SLC2A9: variants seen among roughly 807,000 people sequenced by gnomAD.
The protein encoded by SLC2A9 is solute carrier family 2 member 9.
In SLC2A9, 39 loss-of-function variants were observed where a neutral mutation model predicts 50.6. The observed-to-expected ratio is 0.77, with a 90% CI of 0.60 to 1.01. The LOEUF is 1.01. Among genes scored for constraint, SLC2A9 ranks in the 50% least tolerant of loss-of-function variants. The pLI, the probability that SLC2A9 is intolerant of heterozygous loss-of-function variation, is 0.00. For synonymous variants in SLC2A9, 324 were observed against 276.9 expected (o/e 1.17, Z -1.69); for missense variants, 686 against 677.6 (o/e 1.01, Z -0.14).
intron 3 of SLC2A9, among the ~76,000 whole-genome samples, chr4:9,813,703 T>C (rs909509215): frequency 2.0e-5 from 3 of 152,056 alleles, no homozygotes; most frequent in Non-Finnish European, 2.9e-5. Flanking sequence ...TCAATAAAAG[T>C]GAACACAGGC....
downstream of SLC2A9, among the ~76,000 whole-genome samples, chr4:9,774,935 A>T (rs1717351478): frequency 6.6e-6 from 1 of 151,994 alleles, no homozygotes; most frequent in Admixed American, 6.6e-5. Context: ...CCACCCAGCC[A>T]AAAGAAACCC....
chr4:9,840,160 G>A (rs980490074), intron 10 of SLC2A9, among the ~76,000 whole-genome samples: 1 of 152,152 alleles, frequency 6.6e-6, no homozygotes, highest in Admixed American at 6.5e-5. Flanking sequence ...TAACTCCACA[G>A]CATGAGTTTT....
intron 10 of SLC2A9, among the ~76,000 whole-genome samples, chr4:9,847,193 A>G (rs1422883506): frequency 1.3e-5 from 2 of 152,232 alleles, no homozygotes; most frequent in East Asian, 3.8e-4. Context: ...TATGAAGAAA[A>G]GAGGCTTAAT....
At chr4:9,831,602 C>G (rs6449028) in intron 11 of SLC2A9, among the ~76,000 whole-genome samples, 143,283 of 152,270 alleles carry the variant, frequency 0.94, 67,698 homozygotes, top group Non-Finnish European at 0.96. Flanking sequence ...TCTTGCGCTG[C>G]CGCCCAGAGA....
In SLC2A9 at chr4:9,887,224, C is replaced by T. The variant is rs1342410112; in HGVS notation, c.1291+343G>A. The stretch of plus-strand genomic sequence containing the variant: ...TTATTGCCACATCTTTCACCATAGA[C>T]GGTAACTGCTTAGGCACAGACTGTG... On this transcript the variant is annotated intron_variant, in intron 10 of 11. Coordinates refer to ENST00000264784, the MANE Select transcript of SLC2A9 (RefSeq NM_020041.3). Among the ~76,000 whole-genome samples, 7 of 152,208 alleles carry T rather than the reference C, an allele frequency of 4.6e-5. No homozygotes were observed. The East Asian group carries it at 1.3e-3, about 29-fold the overall frequency.
chr4:9,891,162 C>A (rs913681346), intron 8 of SLC2A9, among the ~76,000 whole-genome samples: 3 of 152,172 alleles, frequency 2.0e-5, no homozygotes, highest in African/African-American at 7.2e-5. Flanking sequence ...ATGTCGTTTT[C>A]CAGTCTGCCT....
chr4:9,773,992 C>CTTT (rs34429694), intron 1 of SLC2A9, among the ~76,000 whole-genome samples: 27 of 139,780 alleles, frequency 1.9e-4, no homozygotes, highest in Admixed American at 1.2e-3. Context: ...GAAACTCAGT[C>CTTT]TTTTTTTTTT....
At chr4:9,851,900 T>A (rs1436368780) in intron 10 of SLC2A9, among the ~76,000 whole-genome samples, 3 of 152,000 alleles carry the variant, frequency 2.0e-5, no homozygotes, top group Non-Finnish European at 4.4e-5. Context: ...ATGAACAAAA[T>A]CTCTGAGCAA....
chr4:9,997,417 C>T lies in SLC2A9; in HGVS notation c.250-476G>A, dbSNP rs77152814. On this transcript the variant is annotated intron_variant, in intron 2 of 11. Transcript: ENST00000264784. ...TGGAGGTGTGTTAAAGGGCACATACCGGGTGGGCGCAGAGGCCCACACCTG... is the reference window on the plus strand; with the variant it reads ...TGGAGGTGTGTTAAAGGGCACATACTGGGTGGGCGCAGAGGCCCACACCTG... Among the ~76,000 whole-genome samples the T allele has an allele frequency of 3.8e-3, 572 of 152,126 alleles. 6 individuals carry two copies. The highest frequency in any genetic ancestry group is 0.013 in the African/African-American group (550 of 41,494).
At chr4:9,804,363 T>G (rs2108952128) in intron 3 of SLC2A9, among the ~76,000 whole-genome samples, 1 of 152,072 alleles carries the variant, frequency 6.6e-6, no homozygotes, top group East Asian at 1.9e-4. Context: ...TCACAACTTC[T>G]TTAAATGGCC....
At chr4:9,847,277 G>C (rs1204552262) in intron 10 of SLC2A9, among the ~76,000 whole-genome samples, 1 of 152,218 alleles carries the variant, frequency 6.6e-6, no homozygotes, top group African/African-American at 2.4e-5. Flanking sequence ...GGGGAAGCAA[G>C]TATATCTTAC....
intron 5 of SLC2A9, among the ~76,000 whole-genome samples, chr4:9,973,980 C>A (rs1305410052): frequency 6.6e-6 from 1 of 152,046 alleles, no homozygotes; most frequent in Non-Finnish European, 1.5e-5. Context: ...TCACCATGAT[C>A]AAGTAGGCTT....
chr4:10,010,615 A>C (rs950228880), intron 2 of SLC2A9, among the ~76,000 whole-genome samples: 1 of 152,178 alleles, frequency 6.6e-6, no homozygotes, highest in African/African-American at 2.4e-5. Context: ...CCAGGGAAAC[A>C]AATGAACAGT....
chr4:9,905,367 G>A (rs1740470534), intron 8 of SLC2A9, among the ~76,000 whole-genome samples: 1 of 152,180 alleles, frequency 6.6e-6, no homozygotes, highest in Non-Finnish European at 1.5e-5. Context: ...CCCAGCACAG[G>A]GCCAACAGCC....
At chr4:9,779,969 AC>A (rs1200994150) in exon 4 of SLC2A9, 1 of 152,314 alleles carries the variant, frequency 6.6e-6, no homozygotes, top group Non-Finnish European at 1.5e-5. Flanking sequence ...ATACCACATG[AC>A]CGTTTACAAT....
intron 5 of SLC2A9, among the ~76,000 whole-genome samples, chr4:9,970,480 AG>A (rs1361572633): frequency 6.6e-6 from 1 of 151,990 alleles, no homozygotes; most frequent in African/African-American, 2.4e-5. Flanking sequence ...GTGGACCAGG[AG>A]GGGCACAGCC....
chr4:9,856,631 T>C (rs1730757598), intron 10 of SLC2A9, among the ~76,000 whole-genome samples: 1 of 152,182 alleles, frequency 6.6e-6, no homozygotes, highest in Admixed American at 6.5e-5. Flanking sequence ...CAAAGGAATA[T>C]AAATTGTTCT....
chr4:10,038,142 T>C (rs1764167655), intron 1 of SLC2A9, among the ~76,000 whole-genome samples: 1 of 152,090 alleles, frequency 6.6e-6, no homozygotes, highest in Non-Finnish European at 1.5e-5. Flanking sequence ...CCTAAGACTT[T>C]CTGCATTTGT....
intron 10 of SLC2A9, among the ~76,000 whole-genome samples, chr4:9,862,170 C>T (rs566732631): frequency 2.6e-4 from 40 of 151,152 alleles, no homozygotes; most frequent in African/African-American, 8.4e-4. Flanking sequence ...TCTGCTCCCA[C>T]CCTCTTCTGC....
Sources: gnomAD v4.1 joint callset for allele counts (sites outside exome capture counted in the v4.1 genomes callset) on GRCh38, gnomAD v4.1.1 for gene constraint, MANE v1.5 for transcripts, NCBI Gene and HGNC (gene_info 2026-07-23, HGNC 2026-07-21) for gene names.